Variants in NEB observed in about 807,000 individuals in gnomAD.
The protein encoded by NEB is nemaline myopathy type 2.
A neutral mutation model predicts 952.2 loss-of-function variants in NEB; 512 were observed. The ratio of observed to expected loss-of-function variants is 0.54; its 90% CI spans 0.50 to 0.58. The LOEUF (loss-of-function observed/expected upper bound fraction) is 0.58, where lower values mean the gene tolerates loss of function less well. NEB is among the 20% of genes least tolerant of loss of function. The pLI is 0.00. For synonymous variants in NEB, 2,900 were observed against 3,149.8 expected, an observed-to-expected ratio of 0.92 and a Z score of 2.66; for missense variants, 8,428 against 9,231.1, an observed-to-expected ratio of 0.91 and a Z score of 3.56.
At chr2:151,575,622 C>G (rs947681170) in intron 107 of NEB, 73 bp downstream of exon 107, 4 of 1,059,134 alleles carry the variant, frequency 3.8e-6, no homozygotes, top group Non-Finnish European at 5.7e-6. Context: ...CATCTTCCCT[C>G]CCTTCCATGC....
chr2:151,655,376 T>C lies in NEB; in HGVS notation c.6703-2A>G, dbSNP rs1465213119. ...ATTCCAATCAATGGTGTATAAATGC[T>C]AGGAAGTGGGAAAAAAAGACATGAA... On this transcript the variant is annotated splice_acceptor_variant, in intron 50 of 181. Coordinates refer to ENST00000397345, the MANE Select transcript of NEB (RefSeq NM_001164508.2). LOFTEE classifies it high-confidence loss of function. The C allele has an allele frequency of 1.3e-6, 2 of 1,522,236 alleles. No individual in the cohort carries two copies. The highest frequency in any genetic ancestry group is 1.9e-5 in the Admixed American group (1 of 53,692). 94.3% of individuals were successfully genotyped at this position (1,522,236 alleles called of 1,614,324 possible). A position where few individuals can be genotyped will look rare whatever the true frequency, so the allele number is the denominator to read the frequency against.
chr2:151,568,323 A>G lies in NEB; in HGVS notation c.17729T>C (p.Leu5910Pro). The change falls in exon 112 of 182, where the codon CTG (leucine) becomes CCG (proline). Residue 5910 changes from leucine to proline, a missense_variant. By Grantham distance (98) the Leu-to-Pro change is moderately conservative (BLOSUM62 -3). Around this residue, in one of 11 missense-constraint regions of NEB, gnomAD observed 3,374 missense variants for 3,651.5 expected, o/e 0.92. Coordinates refer to ENST00000397345, the MANE Select transcript of NEB (RefSeq NM_001164508.2). ...LHTAQEAARI[L>P]DQYLYKEGWE... ...TGTGGGTGAAACCCATACCTGGTCC[A>G]GTATCCTAGCAGCCTCCTGGGCAGT... is the stretch of plus-strand genomic sequence containing the variant. 2 of 1,613,446 alleles carry G rather than the reference A, an allele frequency of 1.2e-6. No homozygotes were observed. The highest frequency in any genetic ancestry group is 1.7e-6 in the Non-Finnish European group (2 of 1,179,620).
intron 169 of NEB, among the ~76,000 whole-genome samples, chr2:151,498,844 T>C (rs778293502): frequency 6.6e-6 from 1 of 151,554 alleles, no homozygotes; most frequent in South Asian, 2.1e-4. Context: ...GGTGAACACA[T>C]TGAGAACAAC....
intron 33 of NEB, 32 bp downstream of exon 33, chr2:151,677,844 G>C (rs766145057): frequency 3.1e-6 from 5 of 1,605,496 alleles, no homozygotes; most frequent in South Asian, 1.1e-5. Context: ...GAACTTAATA[G>C]GGGGGTTTCT....
chr2:151,724,350 C>A lies in NEB; in HGVS notation c.522G>T (p.Gln174His). 1 of 1,611,192 alleles carries A rather than the reference C, an allele frequency of 6.2e-7. No individual in the cohort carries two copies. The highest frequency in any genetic ancestry group is 8.5e-7 in the Non-Finnish European group (1 of 1,178,666). ...SQQVSKVLYK[Q>H]NWEDTKDKYL... The stretch of plus-strand genomic sequence containing the variant: ...ACTTATCCTTGGTGTCTTCCCAGTT[C>A]TGCTTGTATAAAACCTAGACAGAAG... Residue 174 changes from glutamine (Q) to histidine (H), a missense_variant, in exon 8 of 182, where the codon CAG (glutamine) becomes CAT (histidine). Gln to His is a conservative substitution (Grantham distance 24). This residue lies in a region of NEB where 2,851 missense variants were observed against 2,791.5 expected (regional missense o/e 1.02). Coordinates refer to ENST00000397345, the MANE Select transcript of NEB (RefSeq NM_001164508.2).
At chr2:151,576,769 A>C (rs2096881793) in intron 105 of NEB, among the ~76,000 whole-genome samples, 1 of 151,812 alleles carries the variant, frequency 6.6e-6, no homozygotes, top group Non-Finnish European at 1.5e-5. Flanking sequence ...CCCTGACCTC[A>C]GGTGATCCAC....
At chr2:151,630,919 G>A in intron 66 of NEB, 100 bp from the exon 67 acceptor site, 2 of 1,224,002 alleles carry the variant, frequency 1.6e-6, no homozygotes, top group Non-Finnish European at 1.1e-6. Context: ...GGAAAAATAA[G>A]CCAGACTTGA....
chr2:151,561,382 C>T, intron 121 of NEB, 70 bp from the exon 122 acceptor site: 2 of 1,053,410 alleles, frequency 1.9e-6, no homozygotes, highest in South Asian at 1.4e-5. Flanking sequence ...GCTGCTTGTG[C>T]CAACTTACAT....
intron 146 of NEB, among the ~76,000 whole-genome samples, chr2:151,528,957 C>T (rs563162141): frequency 6.6e-6 from 1 of 152,334 alleles, no homozygotes; most frequent in Admixed American, 6.5e-5. Flanking sequence ...TTCTCAGCCA[C>T]CCACCGCAAA....
intron 106 of NEB, 85 bp downstream of exon 106, chr2:151,576,063 TTTA>T (rs2096819273): frequency 9.2e-7 from 1 of 1,086,340 alleles, no homozygotes; most frequent in African/African-American, 1.6e-5. Flanking sequence ...TAATAAAGTT[TTTA>T]TTATTCTAAA....
chr2:151,718,619 A>G (rs77486954), intron 9 of NEB, among the ~76,000 whole-genome samples: 2,419 of 152,178 alleles, frequency 0.016, 26 homozygotes, highest in Middle Eastern at 0.031. Context: ...GAGGAGAAAC[A>G]TCCTTCAGAG....
Position 151,656,187 on chromosome 2 carries a change from T to A in NEB, c.6461A>T (p.Glu2154Val). 1 of 1,607,026 alleles carries A rather than the reference T, an allele frequency of 6.2e-7. No homozygotes were observed. The highest frequency in any genetic ancestry group is 8.5e-7 in the Non-Finnish European group (1 of 1,175,792). ...TATGCGATTCATATTCCTGGTCAGC[T>A]CAATGTTCATTGCATCTGGAAGGAG... ...YILLPDAMNI[E>V]LTRNMNRIQS... is the part of the protein sequence containing the mutation. Residue 2154 changes from glutamate to valine, a missense_variant, in exon 49 of 182, where the codon GAG becomes GTG. Around this residue, in one of 11 missense-constraint regions of NEB, gnomAD observed 2,851 missense variants for 2,791.5 expected, o/e 1.02. Coordinates refer to ENST00000397345, the MANE Select transcript of NEB (RefSeq NM_001164508.2).
intron 3 of NEB, 131 bp from the exon 4 acceptor site, chr2:151,729,787 G>T: frequency 1.1e-6 from 1 of 895,914 alleles, no homozygotes. Flanking sequence ...AGGGGTAGGT[G>T]AGGGAGCCTG....
intron 45 of NEB, among the ~76,000 whole-genome samples, chr2:151,662,956 A>G (rs554311072): frequency 6.6e-6 from 1 of 152,336 alleles, no homozygotes; most frequent in South Asian, 2.1e-4. Flanking sequence ...CCAAAGAGAA[A>G]TGTAGCCTTG....
At chr2:151,661,986 T>C in intron 46 of NEB, 149 bp downstream of exon 46, 1 of 640,004 alleles carries the variant, frequency 1.6e-6, no homozygotes, top group Non-Finnish European at 2.5e-6. Flanking sequence ...CCTATTCTTT[T>C]TTTTTTTAAC....
At chr2:151,674,452 A>C (rs781574850) in intron 36 of NEB, 25 bp downstream of exon 36, 21 of 1,581,010 alleles carry the variant, frequency 1.3e-5, no homozygotes, top group Non-Finnish European at 1.7e-5. Flanking sequence ...CAAACACCTA[A>C]ACTTCACCTA....
In NEB at chr2:151,627,648, A is replaced by G. The variant is rs2098551199; in HGVS notation, c.10018T>C (p.Leu3340=). ...SSPVDMLGVV[L]AKKCQTLVSD... ...ACTAAGGTCTGGCACTTCTTGGCTA[A>G]CACCACTCCCAGCATGTCCACTGGG... The change falls in exon 69 of 182, where the codon TTA becomes CTA. Residue 3340 remains leucine, a synonymous_variant. Transcript: ENST00000397345. 6.2e-7 allele frequency: 1 copy of G among 1,613,832 alleles called. No individual in the cohort carries two copies. The highest frequency in any genetic ancestry group is 8.5e-7 in the Non-Finnish European group (1 of 1,179,884).
At chr2:151,524,651 AG>A in intron 151 of NEB, 35 bp from the exon 152 acceptor site, 1 of 387,402 alleles carries the variant, frequency 2.6e-6, no homozygotes, top group Non-Finnish European at 4.7e-6. Context: ...CTCAAGAGAG[AG>A]GCTTTTTTTT....
rs889965647 is a variant in NEB, at chr2:151,633,638, T to C, written c.9414+16A>G. On this transcript the variant is annotated intron_variant, in intron 65 of 181. Coordinates refer to ENST00000397345, the MANE Select transcript of NEB (RefSeq NM_001164508.2). Reference sequence around the variant, plus strand: ...TTATTTCTATGCACAGCTCCATTTATAGATGCTGTACTCACGTCACTCTGG... The same window carrying C: ...TTATTTCTATGCACAGCTCCATTTACAGATGCTGTACTCACGTCACTCTGG... 7 of 1,597,248 alleles carry C rather than the reference T, an allele frequency of 4.4e-6. No individual in the cohort carries two copies. Among genetic ancestry groups the C allele is most frequent in the Middle Eastern group, 1.7e-4 (1 of 5,992 alleles).
Sources: allele counts gnomAD v4.1 joint callset (sites outside exome capture counted in the v4.1 genomes callset), GRCh38; gene constraint gnomAD v4.1.1; regional missense constraint gnomAD v4.1.1; transcripts MANE v1.5; gene names NCBI Gene and HGNC (gene_info 2026-07-23, HGNC 2026-07-21).